BTG4: variants seen among roughly 807,000 people sequenced by gnomAD.
The protein encoded by BTG4 is protein BTG4.
In BTG4, 10 loss-of-function variants were observed where a neutral mutation model predicts 19.3. That is an observed-to-expected ratio of 0.52 (90% CI 0.32 to 0.88). BTG4 has a LOEUF of 0.88. Among genes scored for constraint, BTG4 ranks in the 40% least tolerant of loss-of-function variants. The pLI, the probability that BTG4 is intolerant of heterozygous loss-of-function variation, is 0.04. For synonymous variants in BTG4, 91 were observed against 95.7 expected, an observed-to-expected ratio of 0.95 and a Z score of 0.29; for missense variants, 238 against 281.9, an observed-to-expected ratio of 0.84 and a Z score of 1.11.
chr11:111,403,731 G>A, the BTG4 span, among the ~76,000 whole-genome samples: 1 of 152,174 alleles, frequency 6.6e-6, no homozygotes, highest in Non-Finnish European at 1.5e-5. Flanking sequence ...CATTTGAATA[G>A]GTCCTAAGGA....
intron 5 of BTG4, chr11:111,473,281 G>A (rs900512994): frequency 6.6e-6 from 1 of 152,562 alleles, no homozygotes; most frequent in Admixed American, 6.6e-5. Flanking sequence ...TATTAACTCT[G>A]TCTTCCACAT....
chr11:111,418,466 C>T, the BTG4 span, among the ~76,000 whole-genome samples: 11 of 152,192 alleles, frequency 7.2e-5, no homozygotes, highest in East Asian at 1.9e-3. Flanking sequence ...GTTCATGCCC[C>T]CTGCTGAGCA....
At chr11:111,415,708 G>C in the BTG4 span, among the ~76,000 whole-genome samples, 1 of 152,184 alleles carries the variant, frequency 6.6e-6, no homozygotes, top group Non-Finnish European at 1.5e-5. Context: ...GGCCTACGGG[G>C]TGGGGGAAAA....
intron 4 of BTG4, among the ~76,000 whole-genome samples, chr11:111,496,217 T>C (rs1865720356): frequency 6.6e-6 from 1 of 152,216 alleles, no homozygotes; most frequent in East Asian, 1.9e-4. Context: ...AAATTATCTG[T>C]TTTTTAAATG....
the BTG4 span, chr11:111,451,296 G>A: frequency 1.5e-5 from 6 of 395,402 alleles, 1 homozygote; most frequent in Admixed American, 1.0e-4. Flanking sequence ...GCGCTTCCGG[G>A]CCCTGGCTGA....
At chr11:111,507,370 T>C (rs890070232) in intron 1 of BTG4, among the ~76,000 whole-genome samples, 1 of 152,116 alleles carries the variant, frequency 6.6e-6, no homozygotes, top group African/African-American at 2.4e-5. Context: ...TTTTGTTTTT[T>C]GTTTTTTTGT....
At chr11:111,511,666 G>A (rs879564214) in intron 1 of BTG4, among the ~76,000 whole-genome samples, 1 of 152,172 alleles carries the variant, frequency 6.6e-6, no homozygotes, top group Non-Finnish European at 1.5e-5. Flanking sequence ...AGGAGGGGAA[G>A]GAAAGTTATT....
chr11:111,419,682 C>T, the BTG4 span, among the ~76,000 whole-genome samples: 1 of 152,232 alleles, frequency 6.6e-6, no homozygotes, highest in South Asian at 2.1e-4. Flanking sequence ...CCAGCAAGTA[C>T]CAGCAGCGGG....
At chr11:111,462,452 G>A in the BTG4 span, 1 of 152,404 alleles carries the variant, frequency 6.6e-6, no homozygotes, top group Admixed American at 6.5e-5. Flanking sequence ...GCATCTCCTA[G>A]GCTCAGATCC....
At chr11:111,488,576 C>T (rs1157755603) in intron 5 of BTG4, among the ~76,000 whole-genome samples, 3 of 151,974 alleles carry the variant, frequency 2.0e-5, no homozygotes, top group Non-Finnish European at 2.9e-5. Context: ...ATCAGGCAAC[C>T]GAAACAAAAA....
At chr11:111,440,912 ACTAT>A in the BTG4 span, among the ~76,000 whole-genome samples, 1 of 152,204 alleles carries the variant, frequency 6.6e-6, no homozygotes. Context: ...GGGATAGGTG[ACTAT>A]CTGCCACACC....
At chr11:111,413,163 G>A in the BTG4 span, among the ~76,000 whole-genome samples, 1 of 152,212 alleles carries the variant, frequency 6.6e-6, no homozygotes, top group Non-Finnish European at 1.5e-5. Flanking sequence ...GAGAAGGCAA[G>A]AGTCAGCGTA....
chr11:111,478,586 T>G (rs1864538225), intron 5 of BTG4, among the ~76,000 whole-genome samples: 1 of 152,096 alleles, frequency 6.6e-6, no homozygotes, highest in Non-Finnish European at 1.5e-5. Context: ...ATCAGAAAAG[T>G]GCTTCAACAA....
the BTG4 span, among the ~76,000 whole-genome samples, chr11:111,441,171 T>C: frequency 6.7e-6 from 1 of 149,896 alleles, no homozygotes; most frequent in African/African-American, 2.5e-5. Context: ...ATGCAAGCCA[T>C]ACAAAAAGGA....
downstream of BTG4, among the ~76,000 whole-genome samples, chr11:111,491,451 T>G (rs1026181275): frequency 2.0e-5 from 3 of 152,064 alleles, no homozygotes; most frequent in Non-Finnish European, 2.9e-5. Flanking sequence ...GATAAAAATT[T>G]TTTTAAAAAG....
the BTG4 span, among the ~76,000 whole-genome samples, chr11:111,424,252 C>T: frequency 6.6e-6 from 1 of 152,186 alleles, no homozygotes; most frequent in Non-Finnish European, 1.5e-5. Flanking sequence ...AGATGATGCT[C>T]AATTTGGGAA....
the BTG4 span, among the ~76,000 whole-genome samples, chr11:111,410,855 T>C: frequency 6.6e-6 from 1 of 152,214 alleles, no homozygotes; most frequent in Admixed American, 6.5e-5. Flanking sequence ...CATATCTAAG[T>C]TTCTCGGACA....
the BTG4 span, among the ~76,000 whole-genome samples, chr11:111,448,286 TG>T: frequency 6.6e-6 from 1 of 152,166 alleles, no homozygotes; most frequent in Non-Finnish European, 1.5e-5. Context: ...TGGGGGAAGA[TG>T]CTGGCTTTAT....
the BTG4 span, among the ~76,000 whole-genome samples, chr11:111,434,351 T>C: frequency 6.6e-6 from 1 of 151,992 alleles, no homozygotes; most frequent in Non-Finnish European, 1.5e-5. Flanking sequence ...AGTTGAACAA[T>C]AAGAACACAT....
Sources: gnomAD v4.1 joint callset for allele counts (sites outside exome capture counted in the v4.1 genomes callset) on GRCh38, gnomAD v4.1.1 for gene constraint, MANE v1.5 for transcripts, NCBI Gene and HGNC (gene_info 2026-07-23, HGNC 2026-07-21) for gene names.